Variants in GALC observed in about 807,000 individuals in gnomAD.
GALC encodes the protein galactosylceramidase.
Under a neutral mutation model 91.8 loss-of-function variants are expected in GALC, and 77 were observed. The observed-to-expected ratio is 0.84, with a 90% CI of 0.70 to 1.01. The LOEUF (loss-of-function observed/expected upper bound fraction) is 1.01. Ranked by LOEUF, GALC falls within the 50% of genes least tolerant of loss-of-function variation. The pLI, the probability that GALC is intolerant of heterozygous loss-of-function variation, is 0.00. For synonymous variants in GALC, 357 were observed against 306.7 expected, an observed-to-expected ratio of 1.16 and a Z score of -1.71; for missense variants, 882 against 855.9, an observed-to-expected ratio of 1.03 and a Z score of -0.38.
At position 87,968,065 on chromosome 14, in the gene GALC, A is replaced by T. The variant is rs397644; in HGVS notation, c.908+270T>A. ...TTACTTTATAATTATTAAAAATACA[A>T]GTAGCTTGTCAAAAATCAGAGAGCT... On this transcript the variant is annotated intron_variant, in intron 8 of 16. Coordinates refer to ENST00000261304, the MANE Select transcript of GALC (RefSeq NM_000153.4). 0.96 allele frequency among the ~76,000 whole-genome samples: 146,003 copies of T among 152,206 alleles called. 70,326 individuals are homozygous for T. Among genetic ancestry groups the T allele is most frequent in the East Asian group, 1 (5,184 of 5,184 alleles).
At chr14:87,964,804 G>A (rs1361553817) in intron 9 of GALC, among the ~76,000 whole-genome samples, 4 of 152,002 alleles carry the variant, frequency 2.6e-5, no homozygotes, top group Admixed American at 6.6e-5. Flanking sequence ...CTTACACTAC[G>A]AAAATTTGTG....
chr14:87,986,460 G>T, intron 4 of GALC, 29 bp downstream of exon 4: 1 of 1,339,334 alleles, frequency 7.5e-7, no homozygotes. Flanking sequence ...AAAAGAGACT[G>T]AAGAAACATT....
At chr14:87,961,084 A>G (rs1885782406) in intron 10 of GALC, among the ~76,000 whole-genome samples, 1 of 152,214 alleles carries the variant, frequency 6.6e-6, no homozygotes, top group South Asian at 2.1e-4. Context: ...AGGAATTTTT[A>G]TATAGAACAA....
chr14:87,983,328 A>AC (rs1219380070), intron 5 of GALC, among the ~76,000 whole-genome samples: 2 of 151,542 alleles, frequency 1.3e-5, no homozygotes, highest in Non-Finnish European at 3.0e-5. Context: ...TAAAAAAAAA[A>AC]GGAAAGTTCT....
chr14:87,984,211 G>C (rs1886872140), intron 5 of GALC, among the ~76,000 whole-genome samples, 183 bp downstream of exon 5: 1 of 151,704 alleles, frequency 6.6e-6, no homozygotes, highest in Non-Finnish European at 1.5e-5. Flanking sequence ...GGGAACACTG[G>C]GATGGGCAAA....
intron 14 of GALC, among the ~76,000 whole-genome samples, chr14:87,943,016 C>A (rs1884921986): frequency 6.6e-6 from 1 of 152,036 alleles, no homozygotes; most frequent in African/African-American, 2.4e-5. Context: ...TAAAATTATT[C>A]TATTTAGAGT....
chr14:87,949,471 G>C (rs930666532), intron 12 of GALC, among the ~76,000 whole-genome samples: 9 of 152,080 alleles, frequency 5.9e-5, no homozygotes, highest in African/African-American at 2.2e-4. Flanking sequence ...AAGTCAGACT[G>C]GAAAAACAAG....
chr14:87,963,202 C>T (rs1885882635), intron 10 of GALC, 182 bp downstream of exon 10: 1 of 587,054 alleles, frequency 1.7e-6, no homozygotes, highest in Non-Finnish European at 3.0e-6. Flanking sequence ...TTGTACAAAT[C>T]AGTGAGTTGT....
chr14:87,980,407 G>A, intron 6 of GALC: 1 of 576,318 alleles, frequency 1.7e-6, no homozygotes, highest in Non-Finnish European at 2.2e-6. Context: ...CATTATTCCA[G>A]TGAATACATT....
In GALC at chr14:87,976,437, C is replaced by T. The variant is rs1436074042; in HGVS notation, c.673G>A (p.Ala225Thr). 7 of 1,613,388 alleles carry T rather than the reference C, an allele frequency of 4.3e-6. No homozygotes were observed. Among genetic ancestry groups the T allele is most frequent in the Non-Finnish European group, 5.1e-6 (6 of 1,179,478 alleles). ...ATGGACTCCCAGAGATTATCACTTG[C>T]TATGATTTTCACTCGCTGGAGACCT... Reference protein sequence around the residue: ...YQGLQRVKIIASDNLWESISA... With the variant: ...YQGLQRVKIITSDNLWESISA... The change falls in exon 7 of 17, where the codon GCA becomes ACA. Residue 225 changes from alanine (A) to threonine (T), a missense_variant. Transcript: ENST00000261304.
intron 12 of GALC, among the ~76,000 whole-genome samples, chr14:87,949,508 G>A (rs780025731): frequency 2.6e-5 from 4 of 151,972 alleles, no homozygotes; most frequent in Admixed American, 6.6e-5. Context: ...CCAGGAGAGC[G>A]ATAATGAAGA....
chr14:87,973,540 G>A (rs912892808), intron 7 of GALC, among the ~76,000 whole-genome samples: 6 of 152,142 alleles, frequency 3.9e-5, no homozygotes, highest in Admixed American at 6.5e-5. Context: ...AGAAGCTTAA[G>A]TTCATGTAAG....
At position 87,934,226 on chromosome 14, in the gene GALC, A is replaced by G. The variant is rs567692795; in HGVS notation, c.*506T>C. On this transcript the variant is annotated 3_prime_UTR_variant, in exon 17 of 17. Transcript: ENST00000261304. ...AAAATAAAAAAATACTTTTTAGAGC[A>G]TAAAGCATAACAGGTTGAAGTGGTT... 1.2e-4 allele frequency: 172 copies of G among 1,385,516 alleles called. No individual in the cohort carries two copies. The East Asian group carries it at 3.6e-3, about 29-fold the overall frequency. 85.8% of individuals were successfully genotyped at this position (1,385,516 alleles called of 1,614,324 possible).
At chr14:87,968,055 T>G (rs1378951118) in intron 8 of GALC, among the ~76,000 whole-genome samples, 1 of 152,114 alleles carries the variant, frequency 6.6e-6, no homozygotes, top group African/African-American at 2.4e-5. Context: ...TTATAATTAT[T>G]AAAAATACAA....
intron 13 of GALC, among the ~76,000 whole-genome samples, chr14:87,946,982 A>T (rs900353094): frequency 5.3e-5 from 8 of 151,938 alleles, no homozygotes; most frequent in African/African-American, 1.9e-4. Flanking sequence ...GCAGCTCTGC[A>T]GCAAACAGGA....
intron 16 of GALC, among the ~76,000 whole-genome samples, chr14:87,939,503 A>G (rs957269216): frequency 7.9e-5 from 12 of 151,894 alleles, no homozygotes; most frequent in African/African-American, 2.2e-4. Context: ...CCAATTTCTA[A>G]AAATTATGCT....
chr14:87,949,774 T>C lies in GALC; in HGVS notation c.1338+71A>G, dbSNP rs1396922857. The stretch of plus-strand genomic sequence containing the variant: ...TATAAAAATAAAAATTCTTAATTAA[T>C]GACATTTCTGTGCCCTTTTACTGTT... On this transcript the variant is annotated intron_variant, in intron 12 of 16. Transcript: ENST00000261304. 9.0e-6 allele frequency: 7 copies of C among 779,314 alleles called. No individual in the cohort carries two copies. In the African/African-American group the frequency reaches 1.2e-4, roughly 13 times the overall value. 48.3% of individuals were successfully genotyped at this position (779,314 alleles called of 1,614,324 possible). A position where few individuals can be genotyped will look rare whatever the true frequency, so the allele number is the denominator to read the frequency against.
At chr14:87,955,456 T>TA (rs1228266407) in intron 10 of GALC, among the ~76,000 whole-genome samples, 3 of 152,042 alleles carry the variant, frequency 2.0e-5, no homozygotes, top group Admixed American at 1.3e-4. Flanking sequence ...CCCTGGGAAT[T>TA]AAAGGTTTGC....
At position 87,947,808 on chromosome 14, in the gene GALC, G is replaced by A. The variant is rs757745501; in HGVS notation, c.1409C>T (p.Thr470Ile). The change falls in exon 13 of 17, where the codon ACC becomes ATC. Residue 470 changes from threonine to isoleucine, a missense_variant. By Grantham distance (89) the Thr-to-Ile change is moderately conservative (BLOSUM62 -1). Coordinates refer to ENST00000261304, the MANE Select transcript of GALC (RefSeq NM_000153.4). Reference protein sequence around the residue: ...EDELFTLTTLTTGRKGSYPLP... With the variant: ...EDELFTLTTLITGRKGSYPLP... ...CGGGTAGCTGCCTTTGCGACCAGTG[G>A]TGAGAGTGGTGAGTGTGAACAGCTC... 5 of 1,612,728 alleles carry A rather than the reference G, an allele frequency of 3.1e-6. No homozygotes were observed. The highest frequency in any genetic ancestry group is 3.3e-4 in the Middle Eastern group (2 of 6,050).
Sources: allele counts gnomAD v4.1 joint callset (sites outside exome capture counted in the v4.1 genomes callset), GRCh38; gene constraint gnomAD v4.1.1; transcripts MANE v1.5; gene names NCBI Gene and HGNC (gene_info 2026-07-23, HGNC 2026-07-21).